Variants in UBA6 observed in about 807,000 individuals in gnomAD.
The protein encoded by UBA6 is ubiquitin like modifier activating enzyme 6, also known as ubiquitin-like modifier-activating enzyme 6.
A neutral mutation model predicts 148.3 loss-of-function variants in UBA6; 87 were observed. The observed-to-expected ratio is 0.59, with a 90% CI of 0.49 to 0.70. The LOEUF (loss-of-function observed/expected upper bound fraction) is 0.70, where lower values mean the gene tolerates loss of function less well. UBA6 is among the 30% of genes least tolerant of loss of function. The pLI is 0.00. For synonymous variants in UBA6, 376 were observed against 401.0 expected (o/e 0.94, Z 0.75); for missense variants, 1,186 against 1,241.2 (o/e 0.96, Z 0.67).
intron 5 of UBA6, among the ~76,000 whole-genome samples, chr4:67,678,065 ATATC>A (rs1730329717): frequency 6.9e-6 from 1 of 145,760 alleles, no homozygotes; most frequent in Non-Finnish European, 1.5e-5. Flanking sequence ...TAATATATAT[ATATC>A]TTTTATATAT....
chr4:67,624,957 A>G (rs768303372), intron 29 of UBA6, 37 bp downstream of exon 29: 18 of 1,551,976 alleles, frequency 1.2e-5, no homozygotes, highest in Non-Finnish European at 1.6e-5. Flanking sequence ...GAGGCAATGA[A>G]AAAGGAGCAT....
chr4:67,630,068 A>T (rs186451120), intron 26 of UBA6, among the ~76,000 whole-genome samples: 1 of 152,074 alleles, frequency 6.6e-6, no homozygotes, highest in East Asian at 1.9e-4. Flanking sequence ...AAAGCACATA[A>T]ATTATCACAA....
At chr4:67,679,245 C>T (rs551812840) in intron 4 of UBA6, among the ~76,000 whole-genome samples, 10 of 151,936 alleles carry the variant, frequency 6.6e-5, no homozygotes, top group South Asian at 4.1e-4. Context: ...ATGCATTTAC[C>T]TATCTACAAA....
chr4:67,663,324 G>T, intron 11 of UBA6, 109 bp from the exon 12 acceptor site: 1 of 672,978 alleles, frequency 1.5e-6, no homozygotes, highest in Non-Finnish European at 2.5e-6. Context: ...AAACACATTA[G>T]CTTAATACTG....
In UBA6 at chr4:67,634,463, G is replaced by A. The variant is rs766963648; in HGVS notation, c.1898C>T (p.Ala633Val). 6.3e-7 allele frequency: 1 copy of A among 1,588,582 alleles called. No individual in the cohort carries two copies. Among genetic ancestry groups the A allele is most frequent in the Admixed American group, 1.9e-5 (1 of 52,460 alleles). ...TGCCCACTGTATGGTATGTTCAATAGCAGCTGGAAAGGATTTTAGAGTACA... is the reference window on the plus strand; with the variant it reads ...TGCCCACTGTATGGTATGTTCAATAACAGCTGGAAAGGATTTTAGAGTACA... Reference protein sequence around the residue: ...PFCTLKSFPAAIEHTIQWARD... With the variant: ...PFCTLKSFPAVIEHTIQWARD... Residue 633 changes from alanine (A) to valine (V), a missense_variant, in exon 21 of 33, where the codon GCT (alanine) becomes GTT (valine). Physicochemically the swap from Ala to Val is moderately conservative, Grantham distance 64 (BLOSUM62 0). Transcript: ENST00000322244.
At chr4:67,624,373 G>T in intron 29 of UBA6, 120 bp from the exon 30 acceptor site, 1 of 843,670 alleles carries the variant, frequency 1.2e-6, no homozygotes, top group Non-Finnish European at 1.8e-6. Flanking sequence ...AGCAGCTATG[G>T]GACTATAGTA....
At chr4:67,699,664 G>A (rs547074975) in intron 1 of UBA6, among the ~76,000 whole-genome samples, 195 of 152,110 alleles carry the variant, frequency 1.3e-3, no homozygotes, top group African/African-American at 4.3e-3. Context: ...GCAGTGGCAC[G>A]ATCTCGGCTC....
intron 26 of UBA6, 111 bp from the exon 27 acceptor site, chr4:67,629,253 T>A: frequency 1.4e-6 from 1 of 701,508 alleles, no homozygotes; most frequent in South Asian, 1.6e-5. Context: ...TATTTCATTA[T>A]CTGAATATGT....
chr4:67,646,100 T>C, intron 15 of UBA6, 84 bp from the exon 16 acceptor site: 2 of 704,546 alleles, frequency 2.8e-6, no homozygotes, highest in Non-Finnish European at 4.5e-6. Flanking sequence ...TTTAATGTTG[T>C]ACTTTAAAAG....
chr4:67,619,218 T>C lies in UBA6; in HGVS notation c.3024-86A>G, dbSNP rs1398958059. 18 of 974,100 alleles carry C rather than the reference T, an allele frequency of 1.8e-5. No individual in the cohort carries two copies. In the Admixed American group the frequency reaches 3.3e-4, roughly 18 times the overall value. 60.3% of individuals were successfully genotyped at this position (974,100 alleles called of 1,614,324 possible). A position where few individuals can be genotyped will look rare whatever the true frequency, so the allele number is the denominator to read the frequency against. ...GCTGACTAATGCCATCCAGAGAACC[T>C]GGACTTGTATCTAGACTTTAACATC... On this transcript the variant is annotated intron_variant, in intron 32 of 32. Transcript: ENST00000322244.
intron 2 of UBA6, among the ~76,000 whole-genome samples, chr4:67,694,618 C>T (rs935824946): frequency 4.6e-5 from 7 of 152,008 alleles, no homozygotes; most frequent in East Asian, 1.9e-4. Flanking sequence ...AGGATGGTCT[C>T]GATCTCCTGA....
chr4:67,673,287 GC>G (rs1446920440), intron 7 of UBA6, among the ~76,000 whole-genome samples: 1 of 151,908 alleles, frequency 6.6e-6, no homozygotes, highest in Non-Finnish European at 1.5e-5. Context: ...GGTGGCGGGT[GC>G]CTGTAAGATC....
In UBA6 at chr4:67,635,477, A is replaced by G; in HGVS notation, c.1818T>C (p.His606=). The G allele has an allele frequency of 6.2e-7, 1 of 1,607,312 alleles. No homozygotes were observed. The highest frequency in any genetic ancestry group is 1.1e-5 in the South Asian group (1 of 90,898). ...TKGHTEVIVP[H]LTESYNSHRD... is the part of the protein sequence containing the mutation. ...CATGACTATTGTAAGACTCAGTCAAATGCGGTACAATAACTTCAGTGTGTC... is the reference window on the plus strand; with the variant it reads ...CATGACTATTGTAAGACTCAGTCAAGTGCGGTACAATAACTTCAGTGTGTC... The change falls in exon 20 of 33, where the codon CAT becomes CAC. Residue 606 remains histidine, a synonymous_variant. Transcript: ENST00000322244.
In UBA6 at chr4:67,616,197, T is replaced by G. The variant is rs1187718587; in HGVS notation, c.*2800A>C. 3 of 396,576 alleles carry G rather than the reference T, an allele frequency of 7.6e-6. No individual in the cohort carries two copies. The highest frequency in any genetic ancestry group is 4.4e-5 in the Admixed American group (1 of 22,634). 24.6% of individuals were successfully genotyped at this position (396,576 alleles called of 1,614,324 possible). ...CAGAGAAAGCATTCAGATTATATGT[T>G]TTTGAATCTATGAAAAGTAAAATCG... is the stretch of plus-strand genomic sequence containing the variant. On this transcript the variant is annotated 3_prime_UTR_variant, in exon 33 of 33. Transcript: ENST00000322244.
chr4:67,667,120 T>A (rs553370171), intron 9 of UBA6, among the ~76,000 whole-genome samples: 1 of 152,142 alleles, frequency 6.6e-6, no homozygotes, highest in Non-Finnish European at 1.5e-5. Flanking sequence ...AGCAGCCTCA[T>A]AATGTGAACT....
At chr4:67,636,261 T>G (rs535185148) in intron 19 of UBA6, among the ~76,000 whole-genome samples, 18 of 152,244 alleles carry the variant, frequency 1.2e-4, no homozygotes, top group African/African-American at 3.9e-4. Flanking sequence ...TCAGTAAAAA[T>G]GAGTGCCATG....
intron 31 of UBA6, 42 bp from the exon 32 acceptor site, chr4:67,622,967 T>C: frequency 1.3e-6 from 2 of 1,519,682 alleles, no homozygotes; most frequent in Non-Finnish European, 1.8e-6. Context: ...AAAGCCTCGC[T>C]CAAACATAAA....
intron 30 of UBA6, among the ~76,000 whole-genome samples, chr4:67,623,573 C>T (rs774058190): frequency 1.3e-5 from 2 of 151,988 alleles, no homozygotes; most frequent in East Asian, 1.9e-4. Context: ...TCATTGGCCA[C>T]GATAAATAAT....
intron 19 of UBA6, among the ~76,000 whole-genome samples, chr4:67,635,962 AT>A (rs1729129063): frequency 1.3e-5 from 2 of 152,032 alleles, no homozygotes; most frequent in Non-Finnish European, 2.9e-5. Context: ...ACAAATTTTT[AT>A]TTTTTAAAGT....
Sources: gnomAD v4.1 joint callset for allele counts (sites outside exome capture counted in the v4.1 genomes callset) on GRCh38, gnomAD v4.1.1 for gene constraint, MANE v1.5 for transcripts, NCBI Gene and HGNC (gene_info 2026-07-23, HGNC 2026-07-21) for gene names.